Variants in FBXW10 observed in about 807,000 individuals in gnomAD.
The protein encoded by FBXW10 is F-box and WD repeat domain containing 10.
In FBXW10, 68 loss-of-function variants were observed where a neutral mutation model predicts 113.1. That is an observed-to-expected ratio of 0.60 (90% confidence interval 0.49 to 0.74). The LOEUF is 0.74. Among genes scored for constraint, FBXW10 ranks in the 30% least tolerant of loss-of-function variants. The pLI is 0.00. For synonymous variants in FBXW10, 289 were observed against 481.6 expected (o/e 0.60, Z 5.24); for missense variants, 753 against 1,284.5 (o/e 0.59, Z 6.32).
intron 13 of FBXW10, among the ~76,000 whole-genome samples, chr17:18,777,527 T>C (rs887086188): frequency 2.6e-5 from 4 of 151,834 alleles, no homozygotes; most frequent in African/African-American, 9.7e-5. Context: ...GATGTGAAGG[T>C]CATTCCCAAC....
intron 5 of FBXW10, among the ~76,000 whole-genome samples, chr17:18,754,989 G>A (rs1344159083): frequency 2.0e-5 from 3 of 152,168 alleles, no homozygotes; most frequent in East Asian, 1.9e-4. Flanking sequence ...CAGGCTGGGC[G>A]TGGTGGCTCA....
At chr17:18,776,044 C>T (rs1418773317) in intron 13 of FBXW10, among the ~76,000 whole-genome samples, 4 of 149,158 alleles carry the variant, frequency 2.7e-5, no homozygotes, top group African/African-American at 4.9e-5. Context: ...AGTGGCCGGG[C>T]GCGGTGGCTC....
chr17:18,767,889 C>G (rs970388158), intron 9 of FBXW10, among the ~76,000 whole-genome samples: 3 of 152,188 alleles, frequency 2.0e-5, no homozygotes, highest in Non-Finnish European at 2.9e-5. Context: ...TAGTGTCTGT[C>G]CCAAACACAG....
At chr17:18,749,639 G>T in intron 2 of FBXW10, 83 bp from the exon 3 acceptor site, 1 of 1,595,814 alleles carries the variant, frequency 6.3e-7, no homozygotes, top group Non-Finnish European at 8.6e-7. Flanking sequence ...TTTTCTGGGA[G>T]AGCTTTTGGT....
At chr17:18,752,062 G>T (rs1597590098) in intron 5 of FBXW10, among the ~76,000 whole-genome samples, 1 of 152,106 alleles carries the variant, frequency 6.6e-6, no homozygotes, top group South Asian at 2.1e-4. Context: ...TTTGACTGTC[G>T]CTTCCCATAA....
At chr17:18,756,856 T>C (rs774122950) in intron 6 of FBXW10, among the ~76,000 whole-genome samples, 64 of 152,192 alleles carry the variant, frequency 4.2e-4, no homozygotes, top group Non-Finnish European at 7.2e-4. Flanking sequence ...GCCATGAATC[T>C]TATTAACAAA....
intron 12 of FBXW10, 49 bp downstream of exon 12, chr17:18,772,732 T>C: frequency 6.5e-7 from 1 of 1,545,724 alleles, no homozygotes; most frequent in African/African-American, 1.4e-5. Flanking sequence ...ACAGAGCAGG[T>C]CGGGGTTTGG....
At chr17:18,749,502 G>T (rs904864491) in intron 2 of FBXW10, among the ~76,000 whole-genome samples, 1 of 151,988 alleles carries the variant, frequency 6.6e-6, no homozygotes, top group Non-Finnish European at 1.5e-5. Context: ...AGCCGAGATC[G>T]CGCCACTACA....
At position 18,749,875 on chromosome 17, in the gene FBXW10, G is replaced by T. The variant is rs17852531; in HGVS notation, c.824G>T (p.Arg275Leu). Residue 275 changes from arginine to leucine, a missense_variant, in exon 3 of 14, where the codon CGA (arginine) becomes CTA (leucine). Transcript: ENST00000395665. The part of the protein sequence containing the change: ...RDLSSGFSKY[R>L]DFIRYLPIHL... ...CTGTCTTCTGGGTTCAGCAAATACC[G>T]AGACTTCATCCGTTACCTGCCCATC... 126,353 of 1,613,480 alleles carry T rather than the reference G, an allele frequency of 0.078. 3,248 individuals carry two copies. The highest frequency in any genetic ancestry group is 0.11 in the South Asian group (10,348 of 91,002).
rs59007149 is a variant in FBXW10 at position 18,768,934 on chromosome 17, ATTTTTT to A, written c.1847+273_1847+278del. 1.8e-4 allele frequency among the ~76,000 whole-genome samples: 21 copies of A among 114,390 alleles called. 1 individual carries two copies. The highest frequency in any genetic ancestry group is 2.1e-4 in the Admixed American group (2 of 9,406). The allele number at this position is 114,390 out of a possible 152,430, so 75.0% of individuals were successfully genotyped here. On this transcript the variant is annotated intron_variant, in intron 10 of 13. Coordinates refer to ENST00000395665, the MANE Select transcript of FBXW10 (RefSeq NM_001267585.2). ...AACTGGGGGTTTTGAGAAGTTATTGATTTTTTTTTTTTTTTTTTTTGAGACAGAGTC... is the reference window on the plus strand; with the variant it reads ...AACTGGGGGTTTTGAGAAGTTATTGATTTTTTTTTTTTTTGAGACAGAGTC...
intron 8 of FBXW10, among the ~76,000 whole-genome samples, chr17:18,765,112 G>T (rs1289783562): frequency 2.0e-5 from 3 of 152,070 alleles, no homozygotes; most frequent in African/African-American, 7.2e-5. Flanking sequence ...AAAATAATAG[G>T]ATATGGCCCT....
intron 5 of FBXW10, among the ~76,000 whole-genome samples, chr17:18,755,643 A>G (rs2151800734): frequency 6.6e-6 from 1 of 152,258 alleles, no homozygotes; most frequent in Admixed American, 6.5e-5. Context: ...TTGTACTATC[A>G]CGTAGATGTA....
At position 18,760,431 on chromosome 17, in the gene FBXW10, A is replaced by G. The variant is rs554791092; in HGVS notation, c.1433+1926A>G. The stretch of plus-strand genomic sequence containing the variant: ...ACGGTGCAGATGAAGCCCAAAGGCC[A>G]TCTGCCAGAGAATACCCTCTTGCCA... On this transcript the variant is annotated intron_variant, in intron 7 of 13. Transcript: ENST00000395665. Among the ~76,000 whole-genome samples the G allele has an allele frequency of 1.2e-4, 18 of 152,378 alleles. 1 individual carries two copies. In the South Asian group the frequency reaches 3.5e-3, roughly 30 times the overall value.
chr17:18,775,235 C>T (rs4630608), intron 13 of FBXW10, 43 bp downstream of exon 13: 640,478 of 1,343,004 alleles, frequency 0.48, 155,201 homozygotes, highest in Non-Finnish European at 0.5. Context: ...ACAAGTGGCA[C>T]GGATGGTGGG....
At chr17:18,768,931 T>C (rs1597602226) in intron 10 of FBXW10, among the ~76,000 whole-genome samples, 1 of 122,744 alleles carries the variant, frequency 8.1e-6, no homozygotes, top group Admixed American at 1.0e-4. Flanking sequence ...TGAGAAGTTA[T>C]TGATTTTTTT....
intron 1 of FBXW10, among the ~76,000 whole-genome samples, chr17:18,746,081 G>C (rs1284709119): frequency 6.6e-6 from 1 of 152,118 alleles, no homozygotes; most frequent in African/African-American, 2.4e-5. Flanking sequence ...CAAGAGAAGG[G>C]GAGGGGTGTC....
Position 18,772,445 on chromosome 17 carries a change from G to A in FBXW10, c.2040G>A (p.Met680Ile). 6.2e-7 allele frequency: 1 copy of A among 1,614,162 alleles called. No individual in the cohort carries two copies. Among genetic ancestry groups the A allele is most frequent in the African/African-American group, 1.3e-5 (1 of 75,044 alleles). Residue 680 changes from methionine to isoleucine, a missense_variant, in exon 12 of 14, where the codon ATG becomes ATA. Transcript: ENST00000395665. ...MVVNTESNVLMFQFEHIKWQY... is the reference protein window; with the variant it reads ...MVVNTESNVLIFQFEHIKWQY... Reference sequence around the variant, plus strand: ...TCAACACAGAGAGCAATGTTCTCATGTTCCAGTTTGAGCACATAAAGTGGC... The same window carrying A: ...TCAACACAGAGAGCAATGTTCTCATATTCCAGTTTGAGCACATAAAGTGGC...
chr17:18,751,908 C>T (rs1006994927), intron 5 of FBXW10, among the ~76,000 whole-genome samples: 6 of 152,060 alleles, frequency 3.9e-5, no homozygotes, highest in African/African-American at 9.7e-5. Context: ...GAAGAGTGAC[C>T]GGAAGACTCT....
intron 12 of FBXW10, among the ~76,000 whole-genome samples, 180 bp from the exon 13 acceptor site, chr17:18,774,956 T>C (rs2035676300): frequency 6.6e-6 from 1 of 152,238 alleles, no homozygotes; most frequent in Admixed American, 6.5e-5. Context: ...ATTTTATGCA[T>C]GTATCAAAAT....
Sources: allele counts gnomAD v4.1 joint callset (sites outside exome capture counted in the v4.1 genomes callset), GRCh38; gene constraint gnomAD v4.1.1; transcripts MANE v1.5; gene names NCBI Gene and HGNC (gene_info 2026-07-23, HGNC 2026-07-21).